Variants in SEMA5A observed in about 807,000 individuals in gnomAD.
SEMA5A encodes semaphorin 5A.
Under a neutral mutation model 135.5 loss-of-function variants are expected in SEMA5A, and 55 were observed. The observed-to-expected ratio is 0.41, with a 90% CI of 0.33 to 0.51. The LOEUF is 0.51. SEMA5A is among the 20% of genes least tolerant of loss of function. The pLI is 0.37. For synonymous variants in SEMA5A, 580 were observed against 546.5 expected (o/e 1.06, Z -0.85); for missense variants, 1,290 against 1,419.9 (o/e 0.91, Z 1.47).
rs1040019242 is a variant in SEMA5A at position 9,528,850 on chromosome 5, A to G, written c.-175+16734T>C. On this transcript the variant is annotated intron_variant, in intron 1 of 22. Coordinates refer to ENST00000382496, the MANE Select transcript of SEMA5A (RefSeq NM_003966.3). The stretch of plus-strand genomic sequence containing the variant: ...GCATTTTATTTTGGGAAGAGGGAAA[A>G]AGATAAGAGAACTACATTGTTTGCT... 5.3e-5 allele frequency among the ~76,000 whole-genome samples: 8 copies of G among 152,206 alleles called. No individual in the cohort carries two copies. In the South Asian group the frequency reaches 1.2e-3, roughly 24 times the overall value.
chr5:9,482,218 C>T (rs1759904567), intron 1 of SEMA5A, among the ~76,000 whole-genome samples: 1 of 152,158 alleles, frequency 6.6e-6, no homozygotes, highest in Non-Finnish European at 1.5e-5. Flanking sequence ...AAATTATAGA[C>T]TTTTCCTACT....
chr5:9,080,166 A>C (rs1331740290), intron 16 of SEMA5A, among the ~76,000 whole-genome samples: 2 of 152,236 alleles, frequency 1.3e-5, no homozygotes, highest in African/African-American at 4.8e-5. Flanking sequence ...TATCAATGAC[A>C]GACTGGATTT....
chr5:9,407,226 A>G (rs955351662), intron 2 of SEMA5A, among the ~76,000 whole-genome samples: 1 of 152,234 alleles, frequency 6.6e-6, no homozygotes, highest in Non-Finnish European at 1.5e-5. Flanking sequence ...ATCTACAAAA[A>G]GAGTATGTAA....
chr5:9,493,920 A>G (rs556295166), intron 1 of SEMA5A, among the ~76,000 whole-genome samples: 26 of 152,360 alleles, frequency 1.7e-4, no homozygotes, highest in African/African-American at 6.3e-4. Flanking sequence ...CTCAGGTTCA[A>G]TGCAAAGAAT....
At chr5:9,163,293 G>T (rs1743399325) in intron 11 of SEMA5A, among the ~76,000 whole-genome samples, 1 of 151,778 alleles carries the variant, frequency 6.6e-6, no homozygotes, top group African/African-American at 2.4e-5. Flanking sequence ...GATGACAAAG[G>T]ATTTGTTTAA....
chr5:9,273,165 A>T (rs1750074560), intron 5 of SEMA5A, among the ~76,000 whole-genome samples: 1 of 152,156 alleles, frequency 6.6e-6, no homozygotes, highest in Non-Finnish European at 1.5e-5. Context: ...GAGCTGAAAA[A>T]CACAGCAAGA....
intron 16 of SEMA5A, among the ~76,000 whole-genome samples, 159 bp downstream of exon 16, chr5:9,107,981 T>G (rs1389183295): frequency 6.6e-6 from 1 of 152,150 alleles, no homozygotes; most frequent in Non-Finnish European, 1.5e-5. Context: ...TGTGAGACCA[T>G]TTAGTGTTTG....
At chr5:9,428,800 G>C (rs1262327433) in intron 2 of SEMA5A, among the ~76,000 whole-genome samples, 2 of 152,152 alleles carry the variant, frequency 1.3e-5, no homozygotes, top group Non-Finnish European at 2.9e-5. Context: ...CAGAAGGCTA[G>C]AGCAGTACAT....
intron 1 of SEMA5A, among the ~76,000 whole-genome samples, chr5:9,531,508 A>C (rs1316685157): frequency 1.3e-5 from 2 of 152,182 alleles, no homozygotes; most frequent in African/African-American, 4.8e-5. Flanking sequence ...CCCTCAGGGC[A>C]TGCAGACACA....
At chr5:9,518,443 G>C (rs1415895516) in intron 1 of SEMA5A, among the ~76,000 whole-genome samples, 1 of 152,190 alleles carries the variant, frequency 6.6e-6, no homozygotes, top group East Asian at 1.9e-4. Flanking sequence ...ACCTAAGGAA[G>C]CTGAATGAAT....
chr5:9,105,297 G>A (rs570116202), intron 16 of SEMA5A, among the ~76,000 whole-genome samples: 4 of 152,318 alleles, frequency 2.6e-5, no homozygotes, highest in African/African-American at 9.6e-5. Context: ...CAAGGATGTA[G>A]AAATTTCACA....
chr5:9,440,187 G>T (rs1043429749), intron 1 of SEMA5A, among the ~76,000 whole-genome samples: 1 of 152,232 alleles, frequency 6.6e-6, no homozygotes, highest in Non-Finnish European at 1.5e-5. Context: ...GATTCTTGCA[G>T]GTCCAGAAGC....
intron 16 of SEMA5A, among the ~76,000 whole-genome samples, chr5:9,100,314 C>G (rs552022141): frequency 6.6e-6 from 1 of 152,142 alleles, no homozygotes; most frequent in African/African-American, 2.4e-5. Context: ...CTCCTGTGGT[C>G]CCAGCTGCGG....
chr5:9,542,515 T>C (rs1561336644), intron 1 of SEMA5A, among the ~76,000 whole-genome samples: 1 of 152,242 alleles, frequency 6.6e-6, no homozygotes, highest in Non-Finnish European at 1.5e-5. Context: ...CTTTAGACAC[T>C]TTGTACTTAG....
At chr5:9,114,669 GTC>G (rs1740420687) in intron 15 of SEMA5A, among the ~76,000 whole-genome samples, 1 of 152,170 alleles carries the variant, frequency 6.6e-6, no homozygotes. Flanking sequence ...GTGCTGCTTG[GTC>G]TCTTCATGCT....
At chr5:9,472,671 T>C (rs1044318376) in intron 1 of SEMA5A, among the ~76,000 whole-genome samples, 1 of 152,166 alleles carries the variant, frequency 6.6e-6, no homozygotes, top group Non-Finnish European at 1.5e-5. Flanking sequence ...AATGTTTTCA[T>C]AGATCTACTT....
At chr5:9,528,486 C>G (rs1409632840) in intron 1 of SEMA5A, among the ~76,000 whole-genome samples, 1 of 152,200 alleles carries the variant, frequency 6.6e-6, no homozygotes, top group Non-Finnish European at 1.5e-5. Flanking sequence ...TCCATGGGCA[C>G]TCTCTCCAAC....
At chr5:9,152,338 C>A (rs1742677907) in intron 12 of SEMA5A, among the ~76,000 whole-genome samples, 1 of 152,174 alleles carries the variant, frequency 6.6e-6, no homozygotes. Context: ...ATCCTGTTAC[C>A]CACTGAACCA....
intron 2 of SEMA5A, among the ~76,000 whole-genome samples, chr5:9,381,710 C>G (rs1400699389): frequency 6.6e-6 from 1 of 152,140 alleles, no homozygotes; most frequent in Non-Finnish European, 1.5e-5. Flanking sequence ...TCAGTAGATA[C>G]TATGAGAGCA....
Sources: gnomAD v4.1 joint callset for allele counts (sites outside exome capture counted in the v4.1 genomes callset) on GRCh38, gnomAD v4.1.1 for gene constraint, MANE v1.5 for transcripts, NCBI Gene and HGNC (gene_info 2026-07-23, HGNC 2026-07-21) for gene names.